HS6ST2: variants seen among roughly 807,000 people sequenced by gnomAD.
HS6ST2 encodes the protein heparan sulfate 6-O-sulfotransferase 2, also known as heparan-sulfate 6-O-sulfotransferase 2.
HS6ST2 carries 17 observed loss-of-function variants against 33.0 expected under a neutral mutation model. That is an observed-to-expected ratio of 0.52 (90% confidence interval 0.35 to 0.77). HS6ST2 has a LOEUF of 0.77. Ranked by LOEUF, HS6ST2 falls within the 30% of genes least tolerant of loss-of-function variation. The probability of loss-of-function intolerance (pLI) is 0.01; values close to 1 mark genes in which losing one functional copy is unlikely to be tolerated. For missense variants in HS6ST2, 519 were observed against 551.7 expected (o/e 0.94, Z 0.59); for synonymous variants, 248 against 237.1 (o/e 1.05, Z -0.42).
At chrX:132,633,246 A>C (rs1478715015) in intron 4 of HS6ST2, among the ~76,000 whole-genome samples, 1 of 110,139 alleles carries the variant, frequency 9.1e-6, no homozygotes, top group Non-Finnish European at 1.9e-5. Context: ...GAAGATGGAG[A>C]GGGAGCCCAG....
At chrX:132,663,474 T>C (rs1477647301) in intron 4 of HS6ST2, among the ~76,000 whole-genome samples, 1 of 112,521 alleles carries the variant, frequency 8.9e-6, no homozygotes, top group Non-Finnish European at 1.9e-5. Flanking sequence ...AAGCCATCTT[T>C]AGGAATACAT....
chrX:132,705,988 A>G (rs970164403), intron 3 of HS6ST2, among the ~76,000 whole-genome samples: 4 of 111,813 alleles, frequency 3.6e-5, no homozygotes, highest in African/African-American at 1.3e-4. Flanking sequence ...AGTTGTTTTG[A>G]AAATAAGTTG....
chrX:132,659,827 T>C (rs2063758060), intron 4 of HS6ST2, among the ~76,000 whole-genome samples: 1 of 111,934 alleles, frequency 8.9e-6, no homozygotes, highest in African/African-American at 3.2e-5. Flanking sequence ...TTATAATAAT[T>C]AAACAAGATA....
intron 2 of HS6ST2, among the ~76,000 whole-genome samples, chrX:132,738,312 G>A (rs1282329155): frequency 8.9e-6 from 1 of 112,406 alleles, no homozygotes; most frequent in Non-Finnish European, 1.9e-5. Flanking sequence ...AGCATCCCAA[G>A]GTCATAGAAA....
chrX:132,869,004 T>TTC (rs1211129196), intron 2 of HS6ST2, among the ~76,000 whole-genome samples: 1 of 108,237 alleles, frequency 9.2e-6, no homozygotes, highest in Non-Finnish European at 1.9e-5. Context: ...TATTTTTTTT[T>TTC]TAAAGACTAA....
chrX:132,929,487 T>C (rs1415756609), intron 2 of HS6ST2, among the ~76,000 whole-genome samples: 2 of 109,648 alleles, frequency 1.8e-5, no homozygotes, highest in African/African-American at 6.6e-5. Flanking sequence ...ACATAATACA[T>C]AAAACAAGCA....
chrX:132,934,409 T>C (rs983556845), intron 2 of HS6ST2, among the ~76,000 whole-genome samples: 1 of 111,983 alleles, frequency 8.9e-6, no homozygotes, highest in African/African-American at 3.2e-5. Flanking sequence ...CATTAAGTAA[T>C]AATTATAACA....
intron 2 of HS6ST2, among the ~76,000 whole-genome samples, chrX:132,787,376 T>A (rs1199486261): frequency 1.0e-5 from 1 of 97,591 alleles, no homozygotes; most frequent in Admixed American, 1.2e-4. Flanking sequence ...CACTGCAACC[T>A]CCATCTCCCA....
At chrX:132,889,013 A>C (rs1177994557) in intron 2 of HS6ST2, among the ~76,000 whole-genome samples, 1 of 111,038 alleles carries the variant, frequency 9.0e-6, no homozygotes, top group African/African-American at 3.3e-5. Context: ...ACTAAAGCCT[A>C]AGATTAGATC....
intron 2 of HS6ST2, among the ~76,000 whole-genome samples, chrX:132,874,110 G>A (rs2066087879): frequency 9.0e-6 from 1 of 111,664 alleles, no homozygotes; most frequent in Non-Finnish European, 1.9e-5. Flanking sequence ...CTAGATCAGA[G>A]AGGGCACTTC....
intron 4 of HS6ST2, among the ~76,000 whole-genome samples, chrX:132,650,851 T>A (rs1426642012): frequency 9.1e-6 from 1 of 110,437 alleles, no homozygotes; most frequent in Admixed American, 9.7e-5. Context: ...CATAGCTCAC[T>A]GCAGACTCAA....
intron 2 of HS6ST2, among the ~76,000 whole-genome samples, chrX:132,945,756 C>CA (rs1481295277): frequency 2.0e-5 from 2 of 101,087 alleles, no homozygotes; most frequent in African/African-American, 7.4e-5. Flanking sequence ...ATCCCAAGGA[C>CA]AAAAAACCAA....
At chrX:132,750,720 CCT>C (rs1196637778) in intron 2 of HS6ST2, among the ~76,000 whole-genome samples, 1 of 112,108 alleles carries the variant, frequency 8.9e-6, no homozygotes, top group Admixed American at 9.5e-5. Context: ...AGGAAATTCC[CCT>C]GTCTCTAAAT....
chrX:132,873,291 TC>T (rs892799512), intron 2 of HS6ST2, among the ~76,000 whole-genome samples: 1 of 111,395 alleles, frequency 9.0e-6, no homozygotes, highest in Non-Finnish European at 1.9e-5. Context: ...CCACACATCC[TC>T]TTACATTTCT....
At chrX:132,787,212 T>TAC (rs1445032716) in intron 2 of HS6ST2, among the ~76,000 whole-genome samples, 3 of 88,514 alleles carry the variant, frequency 3.4e-5, no homozygotes, top group African/African-American at 1.3e-4. Context: ...CATATATATA[T>TAC]ACACATATAT....
intron 2 of HS6ST2, among the ~76,000 whole-genome samples, chrX:132,893,828 A>G (rs2066340276): frequency 9.0e-6 from 1 of 111,558 alleles, no homozygotes; most frequent in African/African-American, 3.3e-5. Context: ...TCCCCAATAC[A>G]CAATCCTGAG....
At chrX:132,822,127 A>T (rs899907335) in intron 2 of HS6ST2, among the ~76,000 whole-genome samples, 2 of 112,163 alleles carry the variant, frequency 1.8e-5, no homozygotes. Flanking sequence ...GAGGGTACTG[A>T]GCCACAGAGT....
chrX:132,942,215 C>T (rs910386205), intron 2 of HS6ST2, among the ~76,000 whole-genome samples: 3 of 111,756 alleles, frequency 2.7e-5, no homozygotes, highest in Non-Finnish European at 5.6e-5. Context: ...TCAAATAGTT[C>T]GTCAACCTTC....
rs186874963 is a variant in HS6ST2, at chrX:132,791,978, G to A, written c.948-83484C>T. ...AGCCTGGGCAACAAAGCAAGAGCCT[G>A]TCTCCAGAAAAAAAAAAAGTTACAC... On this transcript the variant is annotated intron_variant, in intron 2 of 4. Transcript: ENST00000370833. 2.0e-3 allele frequency among the ~76,000 whole-genome samples: 224 copies of A among 110,858 alleles called. 1 individual carries two copies. The highest frequency in any genetic ancestry group is 3.2e-3 in the Non-Finnish European group (168 of 52,894).
Sources: allele counts gnomAD v4.1 joint callset (sites outside exome capture counted in the v4.1 genomes callset), GRCh38; gene constraint gnomAD v4.1.1; transcripts MANE v1.5; gene names NCBI Gene and HGNC (gene_info 2026-07-23, HGNC 2026-07-21).